Variants in GABRG3 observed in about 807,000 individuals in gnomAD.
GABRG3 encodes gamma-aminobutyric acid type A receptor subunit gamma3, also known as gamma-aminobutyric acid receptor subunit gamma-3.
GABRG3 carries 25 observed loss-of-function variants against 48.8 expected under a neutral mutation model. The observed-to-expected ratio is 0.51, with a 90% CI of 0.37 to 0.72. GABRG3 has a LOEUF of 0.72. Ranked by LOEUF, GABRG3 falls within the 30% of genes least tolerant of loss-of-function variation. GABRG3 has a pLI of 0.00. For missense variants in GABRG3, 394 were observed against 577.9 expected (o/e 0.68, Z 3.26); for synonymous variants, 227 against 217.6 (o/e 1.04, Z -0.38).
At chr15:27,046,271 T>G (rs796682089) in intron 3 of GABRG3, among the ~76,000 whole-genome samples, 8,344 of 151,626 alleles carry the variant, frequency 0.055, 635 homozygotes, top group African/African-American at 0.16. Context: ...TTTTTTTTTT[T>G]TTTTTGTATT....
chr15:27,215,233 T>C (rs1035831536), intron 3 of GABRG3, among the ~76,000 whole-genome samples: 2 of 152,208 alleles, frequency 1.3e-5, no homozygotes, highest in Non-Finnish European at 2.9e-5. Context: ...AGGGAGGCTC[T>C]TGGCAGGGTG....
chr15:26,993,209 A>G (rs575665350), intron 2 of GABRG3, among the ~76,000 whole-genome samples: 2 of 151,814 alleles, frequency 1.3e-5, no homozygotes, highest in Non-Finnish European at 2.9e-5. Flanking sequence ...ATTCTTTTAT[A>G]TCTGCTCTGA....
At chr15:26,997,214 G>T (rs1400418603) in intron 2 of GABRG3, among the ~76,000 whole-genome samples, 1 of 151,966 alleles carries the variant, frequency 6.6e-6, no homozygotes, top group East Asian at 1.9e-4. Context: ...TGTTTCATAA[G>T]ATTTTGTTAT....
rs141249623 is a variant in GABRG3, at chr15:27,326,030, G to A, written c.271-779G>A. ...GATGAGGGGAGTGGCCTCTGAGGCAGCCCAGTCTGCAGGCACTTCTTTGGG... is the reference window on the plus strand; with the variant it reads ...GATGAGGGGAGTGGCCTCTGAGGCAACCCAGTCTGCAGGCACTTCTTTGGG... On this transcript the variant is annotated intron_variant, in intron 3 of 9. Coordinates refer to ENST00000615808, the MANE Select transcript of GABRG3 (RefSeq NM_033223.5). 9.3e-4 allele frequency among the ~76,000 whole-genome samples: 141 copies of A among 152,240 alleles called. No individual in the cohort carries two copies. In the East Asian group the frequency reaches 0.024, roughly 25 times the overall value.
intron 3 of GABRG3, among the ~76,000 whole-genome samples, chr15:27,291,091 G>T (rs1249954464): frequency 6.6e-6 from 1 of 152,152 alleles, no homozygotes; most frequent in African/African-American, 2.4e-5. Context: ...ATATTTTCTT[G>T]TAACACCTCT....
intron 3 of GABRG3, among the ~76,000 whole-genome samples, chr15:27,325,591 G>A (rs1348720985): frequency 6.6e-6 from 1 of 152,098 alleles, no homozygotes; most frequent in Non-Finnish European, 1.5e-5. Context: ...TTATTTTTGT[G>A]TGCAGTGTAA....
rs1212683162 is a variant in GABRG3 at position 26,977,053 on chromosome 15, G to C, written c.105G>C (p.Lys35Asn). 5 of 1,613,940 alleles carry C rather than the reference G, an allele frequency of 3.1e-6. No individual in the cohort carries two copies. In the East Asian group the frequency reaches 1.1e-4, roughly 36 times the overall value. ...ATGAAGATTCATCATCAAACCAAAA[G>C]TGGGTCTTGGCTCCAAAATCCCAAG... Reference protein sequence around the residue: ...DEYEDSSSNQKWVLAPKSQDT... With the variant: ...DEYEDSSSNQNWVLAPKSQDT... Residue 35 changes from lysine to asparagine, a missense_variant, in exon 2 of 10, where the codon AAG becomes AAC. Physicochemically the swap from Lys to Asn is moderately conservative, Grantham distance 94. Around this residue, in one of 3 missense-constraint regions of GABRG3, gnomAD observed 218 missense variants for 309.9 expected, o/e 0.70. Transcript: ENST00000615808.
At chr15:27,489,833 CTGA>C (rs1182778811) in intron 6 of GABRG3, among the ~76,000 whole-genome samples, 4 of 152,142 alleles carry the variant, frequency 2.6e-5, no homozygotes, top group Non-Finnish European at 5.9e-5. Context: ...CCTGTTCATT[CTGA>C]TGATAGTTTC....
In GABRG3 at chr15:26,974,736, A is replaced by G. The variant is rs1466714045; in HGVS notation, c.54-2266A>G. Among the ~76,000 whole-genome samples, 1 of 152,066 alleles carries G rather than the reference A, an allele frequency of 6.6e-6. No individual in the cohort carries two copies. Among genetic ancestry groups the G allele is most frequent in the Admixed American group, 6.5e-5 (1 of 15,270 alleles). ...GTCCCGTGGGCAGTGCTTGATTCCCAGCTATCTAAATGCTTCAACCTGCTC... is the reference window on the plus strand; with the variant it reads ...GTCCCGTGGGCAGTGCTTGATTCCCGGCTATCTAAATGCTTCAACCTGCTC... On this transcript the variant is annotated intron_variant, in intron 1 of 9. Coordinates refer to ENST00000615808, the MANE Select transcript of GABRG3 (RefSeq NM_033223.5). This position sits in a 1 kb window ranked among gnomAD's most constrained non-coding sequence, Gnocchi z 4.3.
chr15:27,407,276 C>T (rs1484788518), intron 5 of GABRG3, among the ~76,000 whole-genome samples: 1 of 152,134 alleles, frequency 6.6e-6, no homozygotes, highest in Non-Finnish European at 1.5e-5. Context: ...TACTACACAC[C>T]TACTGGAATG....
intron 3 of GABRG3, among the ~76,000 whole-genome samples, chr15:27,275,960 A>C (rs913970455): frequency 4.6e-5 from 7 of 152,220 alleles, no homozygotes; most frequent in African/African-American, 1.7e-4. Flanking sequence ...GACCTTCTGC[A>C]GGTTTCTGTT....
At chr15:27,252,219 C>T (rs1454223954) in intron 3 of GABRG3, among the ~76,000 whole-genome samples, 1 of 152,194 alleles carries the variant, frequency 6.6e-6, no homozygotes, top group Non-Finnish European at 1.5e-5. Context: ...CTGGCCTCCT[C>T]ACCAGCCCTC....
chr15:27,237,395 G>C (rs1890006625), intron 3 of GABRG3, among the ~76,000 whole-genome samples: 1 of 152,214 alleles, frequency 6.6e-6, no homozygotes, highest in Non-Finnish European at 1.5e-5. Flanking sequence ...GTTTTTCCAA[G>C]ACTTTTGAAA....
chr15:27,051,950 G>A (rs112943155), intron 3 of GABRG3, among the ~76,000 whole-genome samples: 1 of 152,118 alleles, frequency 6.6e-6, no homozygotes, highest in East Asian at 1.9e-4. Flanking sequence ...TTCACAATAG[G>A]GTTCGTGCTC....
At chr15:27,220,836 G>A (rs1379631010) in intron 3 of GABRG3, among the ~76,000 whole-genome samples, 2 of 152,072 alleles carry the variant, frequency 1.3e-5, no homozygotes, top group African/African-American at 4.8e-5. Context: ...GCCGAGGGTG[G>A]GGTGGCAGGG....
At chr15:27,288,290 A>G (rs987779418) in intron 3 of GABRG3, among the ~76,000 whole-genome samples, 3 of 152,124 alleles carry the variant, frequency 2.0e-5, no homozygotes, top group African/African-American at 7.2e-5. Flanking sequence ...CAAGCACATT[A>G]CATTCATTGT....
intron 2 of GABRG3, among the ~76,000 whole-genome samples, chr15:26,979,154 C>A (rs909856853): frequency 6.6e-6 from 1 of 152,082 alleles, no homozygotes; most frequent in Non-Finnish European, 1.5e-5. Flanking sequence ...TACATAAATA[C>A]AATTGATTTT....
chr15:27,116,446 A>C (rs577123349), intron 3 of GABRG3, among the ~76,000 whole-genome samples: 22 of 152,308 alleles, frequency 1.4e-4, no homozygotes, highest in African/African-American at 4.6e-4. Context: ...AACACTAGAA[A>C]CATCCACTAT....
At chr15:27,371,556 C>G (rs1273103552) in intron 5 of GABRG3, among the ~76,000 whole-genome samples, 2 of 152,174 alleles carry the variant, frequency 1.3e-5, no homozygotes, top group Non-Finnish European at 2.9e-5. Context: ...AATCACAATA[C>G]AAGGGCACCA....
Sources: gnomAD v4.1 joint callset for allele counts (sites outside exome capture counted in the v4.1 genomes callset) on GRCh38, gnomAD v4.1.1 for gene constraint, gnomAD v4.1.1 regional missense constraint, Gnocchi (gnomAD v3.1) non-coding constraint, MANE v1.5 for transcripts, NCBI Gene and HGNC (gene_info 2026-07-23, HGNC 2026-07-21) for gene names.